The following C8orf34 variants were observed in gnomAD, a reference collection of about 807,000 sequenced individuals.
C8orf34 encodes chromosome 8 open reading frame 34.
In C8orf34, 65 loss-of-function variants were observed where a neutral mutation model predicts 68.3. That is an observed-to-expected ratio of 0.95 (90% CI 0.78 to 1.17). The LOEUF is 1.17. Ranked by LOEUF, C8orf34 falls within the 50% of genes most tolerant of loss-of-function variation. The probability of loss-of-function intolerance (pLI) is 0.00; values close to 1 mark genes in which losing one functional copy is unlikely to be tolerated. For synonymous variants in C8orf34, 244 were observed against 241.2 expected (o/e 1.01, Z -0.11); for missense variants, 664 against 655.4 (o/e 1.01, Z -0.14).
intron 8 of C8orf34, among the ~76,000 whole-genome samples, chr8:68,685,856 G>A (rs902383095): frequency 6.7e-6 from 1 of 149,012 alleles, no homozygotes; most frequent in Non-Finnish European, 1.5e-5. Flanking sequence ...CAGCCTGGGT[G>A]ACAGAGTGAG....
chr8:68,646,369 T>G (rs1254556016), intron 8 of C8orf34, among the ~76,000 whole-genome samples: 2 of 152,056 alleles, frequency 1.3e-5, no homozygotes, highest in Non-Finnish European at 2.9e-5. Context: ...TGTATATTTA[T>G]GGGGTACAAT....
intron 10 of C8orf34, among the ~76,000 whole-genome samples, chr8:68,755,015 A>T (rs943503968): frequency 3.9e-5 from 6 of 152,208 alleles, no homozygotes; most frequent in African/African-American, 1.4e-4. Flanking sequence ...GACACTACAA[A>T]ACTGAAAATT....
At chr8:68,585,012 G>A (rs904559641) in intron 7 of C8orf34, among the ~76,000 whole-genome samples, 2 of 152,102 alleles carry the variant, frequency 1.3e-5, no homozygotes, top group African/African-American at 2.4e-5. Flanking sequence ...TGGTCACTGC[G>A]TGGGCTTGGG....
chr8:68,423,986 T>C (rs1810097766), intron 1 of C8orf34, among the ~76,000 whole-genome samples: 1 of 152,164 alleles, frequency 6.6e-6, no homozygotes, highest in South Asian at 2.1e-4. Context: ...CACCTAGTCC[T>C]GCCCTTGACA....
At chr8:68,451,006 G>A (rs894565649) in intron 3 of C8orf34, among the ~76,000 whole-genome samples, 7 of 152,088 alleles carry the variant, frequency 4.6e-5, no homozygotes, top group African/African-American at 1.7e-4. Flanking sequence ...TTTTAGTGTA[G>A]CCACCTTCAT....
At chr8:68,433,974 A>G (rs951044991) in intron 1 of C8orf34, among the ~76,000 whole-genome samples, 2 of 152,178 alleles carry the variant, frequency 1.3e-5, no homozygotes, top group Non-Finnish European at 2.9e-5. Context: ...TAGCACTACA[A>G]GGTTATCTGT....
chr8:68,628,224 A>G (rs764264210), intron 7 of C8orf34, among the ~76,000 whole-genome samples: 1 of 152,174 alleles, frequency 6.6e-6, no homozygotes, highest in Non-Finnish European at 1.5e-5. Context: ...AATTTCTGAC[A>G]TGTATTTTGT....
intron 1 of C8orf34, among the ~76,000 whole-genome samples, chr8:68,340,239 G>A (rs1806015131): frequency 6.6e-6 from 1 of 151,964 alleles, no homozygotes; most frequent in Non-Finnish European, 1.5e-5. Flanking sequence ...ATTGAAAATA[G>A]GTGGATTGAT....
intron 7 of C8orf34, among the ~76,000 whole-genome samples, chr8:68,612,836 G>A (rs1215794218): frequency 6.6e-6 from 1 of 151,992 alleles, no homozygotes; most frequent in Non-Finnish European, 1.5e-5. Context: ...TTCTTTTTGA[G>A]AATCTTATAG....
At chr8:68,801,079 C>A (rs868103780) in intron 12 of C8orf34, among the ~76,000 whole-genome samples, 1 of 152,126 alleles carries the variant, frequency 6.6e-6, no homozygotes, top group South Asian at 2.1e-4. Context: ...TGGCTTACTG[C>A]TTTTGTTAAA....
chr8:68,510,227 T>G (rs976090281), intron 5 of C8orf34, among the ~76,000 whole-genome samples: 9 of 152,152 alleles, frequency 5.9e-5, no homozygotes, highest in African/African-American at 2.2e-4. Context: ...TGAGTCCTCC[T>G]CCTGCAAGGG....
At chr8:68,610,861 G>GTTTTTTTTTTTTTTT (rs60113883) in intron 7 of C8orf34, among the ~76,000 whole-genome samples, 4 of 120,472 alleles carry the variant, frequency 3.3e-5, no homozygotes, top group African/African-American at 1.4e-4. Context: ...TGAATCTTTG[G>GTTTTTTTTTTTTTTT]TTTTTTTTTT....
intron 12 of C8orf34, among the ~76,000 whole-genome samples, chr8:68,804,180 A>G (rs1385902817): frequency 6.6e-6 from 1 of 152,178 alleles, no homozygotes; most frequent in African/African-American, 2.4e-5. Flanking sequence ...GGCCCTATGT[A>G]TTGAAACTTA....
chr8:68,623,157 G>A (rs750123750), intron 7 of C8orf34, among the ~76,000 whole-genome samples: 20 of 152,134 alleles, frequency 1.3e-4, no homozygotes, highest in Non-Finnish European at 2.4e-4. Context: ...TTGCTTAGCC[G>A]AACCTGGCCT....
At chr8:68,449,657 G>A (rs2129627300) in intron 3 of C8orf34, among the ~76,000 whole-genome samples, 1 of 152,132 alleles carries the variant, frequency 6.6e-6, no homozygotes, top group Non-Finnish European at 1.5e-5. Context: ...ACAACATTAT[G>A]TATAAGAAAA....
intron 7 of C8orf34, among the ~76,000 whole-genome samples, chr8:68,560,257 A>G (rs1326741407): frequency 3.3e-5 from 5 of 150,704 alleles, no homozygotes; most frequent in Non-Finnish European, 7.4e-5. Flanking sequence ...TGCAGTAGGG[A>G]AAGAAGGAGG....
At chr8:68,356,535 T>C (rs1806755254) in intron 1 of C8orf34, among the ~76,000 whole-genome samples, 1 of 152,168 alleles carries the variant, frequency 6.6e-6, no homozygotes, top group South Asian at 2.1e-4. Context: ...ATCATTGTAA[T>C]ATTAGAAGCA....
At chr8:68,786,145 A>T (rs1214962919) in intron 11 of C8orf34, among the ~76,000 whole-genome samples, 1 of 152,208 alleles carries the variant, frequency 6.6e-6, no homozygotes, top group Non-Finnish European at 1.5e-5. Context: ...TGAGAGATAA[A>T]GAGTGAATTG....
At chr8:68,815,978 C>T (rs377298100) in intron 13 of C8orf34, 33 bp downstream of exon 13, 46 of 1,613,102 alleles carry the variant, frequency 2.9e-5, no homozygotes, top group Middle Eastern at 1.6e-4. Context: ...ATATCGATGT[C>T]GGGTAATGGC....
Sources: allele counts gnomAD v4.1 joint callset (sites outside exome capture counted in the v4.1 genomes callset), GRCh38; gene constraint gnomAD v4.1.1; transcripts MANE v1.5; gene names NCBI Gene and HGNC (gene_info 2026-07-23, HGNC 2026-07-21).